The following NR6A1 variants were observed in gnomAD, a reference collection of about 807,000 sequenced individuals.
NR6A1 encodes nuclear receptor subfamily 6 group A member 1, also known as retinoic acid receptor-related testis-associated receptor.
Under a neutral mutation model 59.1 loss-of-function variants are expected in NR6A1, and 7 were observed. That is an observed-to-expected ratio of 0.12 (90% CI 0.07 to 0.22). The LOEUF (loss-of-function observed/expected upper bound fraction) is 0.22, where lower values mean the gene tolerates loss of function less well. Among genes scored for constraint, NR6A1 ranks in the 10% least tolerant of loss-of-function variants. The probability of loss-of-function intolerance (pLI) is 1.00; values close to 1 mark genes in which losing one functional copy is unlikely to be tolerated. For missense variants in NR6A1, 468 were observed against 611.6 expected (o/e 0.77, Z 2.48); for synonymous variants, 243 against 236.1 (o/e 1.03, Z -0.27).
intron 2 of NR6A1, among the ~76,000 whole-genome samples, chr9:124,724,305 C>T (rs554547508): frequency 6.6e-6 from 1 of 152,084 alleles, no homozygotes; most frequent in South Asian, 2.1e-4. Context: ...AGAGATGCTT[C>T]TATTTTCTTT....
At chr9:124,682,188 G>T (rs990967353) in intron 2 of NR6A1, among the ~76,000 whole-genome samples, 3 of 152,002 alleles carry the variant, frequency 2.0e-5, no homozygotes, top group South Asian at 4.1e-4. Flanking sequence ...TTTTAGTAGA[G>T]ACAGGGTTTC....
Position 124,522,644 on chromosome 9 carries a change from C to A in NR6A1, c.*61G>T. On this transcript the variant is annotated 3_prime_UTR_variant, in exon 10 of 10. Coordinates refer to ENST00000487099, the MANE Select transcript of NR6A1 (RefSeq NM_033334.4). ...TCTTGGTCTCTCTGGCTTTTCCCTC[C>A]AGAGCCTGTCCTGCCCACCCAAGAC... 7.2e-7 allele frequency: 1 copy of A among 1,398,262 alleles called. No individual in the cohort carries two copies. The highest frequency in any genetic ancestry group is 1.3e-5 in the South Asian group (1 of 79,752). The allele number at this position is 1,398,262 out of a possible 1,614,324, so 86.6% of individuals were successfully genotyped here.
At chr9:124,563,275 G>A (rs536662386) in intron 2 of NR6A1, among the ~76,000 whole-genome samples, 5 of 152,242 alleles carry the variant, frequency 3.3e-5, no homozygotes, top group South Asian at 2.1e-4. Flanking sequence ...GTAAAATTCC[G>A]TGAAACTTCA....
intron 2 of NR6A1, among the ~76,000 whole-genome samples, chr9:124,662,423 C>T (rs991295954): frequency 3.3e-5 from 5 of 151,982 alleles, no homozygotes; most frequent in Non-Finnish European, 5.9e-5. Context: ...ACTTAGTATC[C>T]TTACCTGCAA....
At chr9:124,757,362 T>C (rs1337582382) in intron 1 of NR6A1, among the ~76,000 whole-genome samples, 1 of 151,626 alleles carries the variant, frequency 6.6e-6, no homozygotes, top group Non-Finnish European at 1.5e-5. Context: ...TCAAATAACT[T>C]GATGTTCAAT....
intron 2 of NR6A1, chr9:124,698,764 G>A (rs1025137151): frequency 5.3e-5 from 8 of 152,054 alleles, no homozygotes; most frequent in Non-Finnish European, 1.2e-4. Context: ...CCCACACATT[G>A]CAGTTTCAGC....
intron 2 of NR6A1, among the ~76,000 whole-genome samples, chr9:124,711,187 TAAAAAAAAA>T (rs58609931): frequency 1.1e-3 from 76 of 66,500 alleles, no homozygotes; most frequent in African/African-American, 4.3e-3. Context: ...AGCTAAGGTT[TAAAAAAAAA>T]AAAAAAAAAA....
intron 2 of NR6A1, among the ~76,000 whole-genome samples, chr9:124,586,619 T>G (rs748400758): frequency 7.9e-5 from 12 of 152,008 alleles, no homozygotes; most frequent in Non-Finnish European, 1.6e-4. Context: ...CTAATTTTTT[T>G]TAAAATTTCA....
chr9:124,526,693 G>T, intron 8 of NR6A1, 86 bp downstream of exon 8: 1 of 1,566,332 alleles, frequency 6.4e-7, no homozygotes. Flanking sequence ...TAGTCCTGAG[G>T]GTAAGGAGGG....
Position 124,517,909 on chromosome 9 carries a change from C to A in NR6A1, c.*4796G>T, listed in dbSNP as rs1369877844. ...CAGGAGCTACAGTATTCTTTTCCCA[C>A]AGGATTCCTCAGAGAGGAATCGACC... On this transcript the variant is annotated 3_prime_UTR_variant, in exon 10 of 10. Coordinates refer to ENST00000487099, the MANE Select transcript of NR6A1 (RefSeq NM_033334.4). The A allele has an allele frequency of 1.4e-4, 21 of 152,152 alleles. No homozygotes were observed. Among genetic ancestry groups the A allele is most frequent in the Admixed American group, 1.2e-3 (19 of 15,280 alleles). 9.4% of individuals were successfully genotyped at this position (152,152 alleles called of 1,614,324 possible).
chr9:124,626,354 A>G (rs1017271821), intron 2 of NR6A1, among the ~76,000 whole-genome samples: 3 of 152,198 alleles, frequency 2.0e-5, no homozygotes, highest in African/African-American at 2.4e-5. Context: ...ACGTGAGCCA[A>G]TTCCTTAAAA....
At chr9:124,727,455 TATTGTATTATAACTAGC>T (rs1477919101) in intron 2 of NR6A1, among the ~76,000 whole-genome samples, 2 of 152,230 alleles carry the variant, frequency 1.3e-5, no homozygotes, top group Admixed American at 6.5e-5. Context: ...AACTTTTTAT[TATTGTATTATAACTAGC>T]ATTCAGTTAT....
intron 2 of NR6A1, among the ~76,000 whole-genome samples, chr9:124,588,809 A>G (rs1177306684): frequency 6.7e-6 from 1 of 149,250 alleles, no homozygotes; most frequent in Non-Finnish European, 1.5e-5. Context: ...AGTCCCAGCT[A>G]CTCGGGAGGC....
intron 2 of NR6A1, among the ~76,000 whole-genome samples, chr9:124,683,787 C>A (rs1838245347): frequency 1.3e-5 from 2 of 152,160 alleles, no homozygotes; most frequent in Admixed American, 1.3e-4. Flanking sequence ...GAGTGAAACT[C>A]CATCTCAAAA....
At chr9:124,756,627 C>G (rs1005182148) in intron 1 of NR6A1, among the ~76,000 whole-genome samples, 1 of 152,150 alleles carries the variant, frequency 6.6e-6, no homozygotes, top group Non-Finnish European at 1.5e-5. Flanking sequence ...CCATCAAACA[C>G]TGCACAGGAT....
chr9:124,597,060 TAGC>T (rs796256787), intron 2 of NR6A1, among the ~76,000 whole-genome samples: 2 of 152,194 alleles, frequency 1.3e-5, no homozygotes, highest in East Asian at 3.8e-4. Flanking sequence ...ATCTGTCACT[TAGC>T]AGCCATATAA....
intron 2 of NR6A1, among the ~76,000 whole-genome samples, chr9:124,602,084 G>T (rs1835467184): frequency 6.6e-6 from 1 of 152,148 alleles, no homozygotes; most frequent in Non-Finnish European, 1.5e-5. Flanking sequence ...ATTTAATTAG[G>T]TAAGTTTCCT....
intron 2 of NR6A1, among the ~76,000 whole-genome samples, chr9:124,654,002 G>T (rs901340874): frequency 1.3e-5 from 2 of 152,152 alleles, no homozygotes; most frequent in Non-Finnish European, 2.9e-5. Context: ...AGAGAATCAG[G>T]CTGCAAAACC....
At chr9:124,766,410 G>T (rs1279074764) in intron 1 of NR6A1, among the ~76,000 whole-genome samples, 1 of 152,196 alleles carries the variant, frequency 6.6e-6, no homozygotes, top group Non-Finnish European at 1.5e-5. Flanking sequence ...AGATTAGATA[G>T]CTACCTTCTG....
Sources: gnomAD v4.1 joint callset for allele counts (sites outside exome capture counted in the v4.1 genomes callset) on GRCh38, gnomAD v4.1.1 for gene constraint, MANE v1.5 for transcripts, NCBI Gene and HGNC (gene_info 2026-07-23, HGNC 2026-07-21) for gene names.